The following CGNL1 variants were observed in gnomAD, a reference collection of about 807,000 sequenced individuals.
The protein encoded by CGNL1 is cingulin-like protein 1.
In CGNL1, 132 loss-of-function variants were observed where a neutral mutation model predicts 141.2. The observed-to-expected ratio is 0.93, with a 90% confidence interval of 0.81 to 1.08. The LOEUF (loss-of-function observed/expected upper bound fraction) is 1.08, where lower values mean the gene tolerates loss of function less well. CGNL1 is among the 50% of genes least tolerant of loss of function. CGNL1 has a pLI of 0.00. For missense variants in CGNL1, 1,870 were observed against 1,588.6 expected, an observed-to-expected ratio of 1.18 and a Z score of -3.01; for synonymous variants, 690 against 622.1, an observed-to-expected ratio of 1.11 and a Z score of -1.63.
intron 10 of CGNL1, among the ~76,000 whole-genome samples, chr15:57,522,605 T>C (rs1348866588): frequency 6.6e-6 from 1 of 152,198 alleles, no homozygotes; most frequent in Non-Finnish European, 1.5e-5. Context: ...GTCTTCTTAT[T>C]ATCCTTGTAC....
chr15:57,519,943 T>C (rs1304285719), intron 10 of CGNL1, among the ~76,000 whole-genome samples: 13 of 152,230 alleles, frequency 8.5e-5, no homozygotes, highest in Non-Finnish European at 1.9e-4. Flanking sequence ...TCATAGTGAA[T>C]TCAGTGCACA....
chr15:57,440,190 C>T (rs1230937082), intron 2 of CGNL1, among the ~76,000 whole-genome samples, 187 bp from the exon 3 acceptor site: 1 of 151,050 alleles, frequency 6.6e-6, no homozygotes, highest in Non-Finnish European at 1.5e-5. Flanking sequence ...GCAGGTAGTA[C>T]CTATTAACCT....
chr15:57,493,190 T>C (rs1041396691), intron 8 of CGNL1, among the ~76,000 whole-genome samples: 7 of 152,226 alleles, frequency 4.6e-5, no homozygotes, highest in Non-Finnish European at 8.8e-5. Context: ...TTGAATCATA[T>C]TGATCCTCTT....
At position 57,528,713 on chromosome 15, in the gene CGNL1, A is replaced by G; in HGVS notation, c.3099A>G (p.Thr1033=). Residue 1033 remains threonine (T), a synonymous_variant, in exon 13 of 19, where the codon ACA becomes ACG. Transcript: ENST00000281282. The part of the protein sequence containing the change: ...DYQRAQDEAL[T]KRQLLEQTLK... ...AGAGAGCTCAGGATGAAGCACTCACAAAAAGGCAGCTTCTGGAGCAGACGC... is the reference window on the plus strand; with the variant it reads ...AGAGAGCTCAGGATGAAGCACTCACGAAAAGGCAGCTTCTGGAGCAGACGC... 1 of 1,614,164 alleles carries G rather than the reference A, an allele frequency of 6.2e-7. No individual in the cohort carries two copies. Among genetic ancestry groups the G allele is most frequent in the Non-Finnish European group, 8.5e-7 (1 of 1,180,006 alleles).
chr15:57,449,077 G>T (rs911533913), intron 4 of CGNL1, among the ~76,000 whole-genome samples: 2 of 152,124 alleles, frequency 1.3e-5, no homozygotes, highest in African/African-American at 4.8e-5. Flanking sequence ...TGTCCACCAA[G>T]GTTTCTCTAT....
intron 1 of CGNL1, among the ~76,000 whole-genome samples, chr15:57,396,025 C>A (rs1399069346): frequency 6.6e-6 from 1 of 152,158 alleles, no homozygotes; most frequent in African/African-American, 2.4e-5. Flanking sequence ...CATATTCATA[C>A]AGTATGTACT....
At chr15:57,410,360 T>A (rs1429033697) in intron 1 of CGNL1, among the ~76,000 whole-genome samples, 4 of 152,236 alleles carry the variant, frequency 2.6e-5, no homozygotes, top group African/African-American at 9.6e-5. Flanking sequence ...CCCTAGTTCC[T>A]TAGTTGATAT....
chr15:57,444,844 T>A (rs1226273924), intron 4 of CGNL1, among the ~76,000 whole-genome samples: 1 of 152,192 alleles, frequency 6.6e-6, no homozygotes, highest in Non-Finnish European at 1.5e-5. Flanking sequence ...CATTTCGGGC[T>A]GGGAAGGGGA....
At chr15:57,463,511 G>A (rs942902427) in intron 8 of CGNL1, among the ~76,000 whole-genome samples, 3 of 152,234 alleles carry the variant, frequency 2.0e-5, no homozygotes, top group African/African-American at 4.8e-5. Context: ...GCAGAGAATG[G>A]ACAGTTTCCA....
At chr15:57,511,558 C>A (rs2030306016) in intron 8 of CGNL1, among the ~76,000 whole-genome samples, 1 of 152,188 alleles carries the variant, frequency 6.6e-6, no homozygotes, top group Non-Finnish European at 1.5e-5. Flanking sequence ...CATCCAGGAG[C>A]CTCGTACCAG....
chr15:57,518,854 G>A (rs1443746363), intron 10 of CGNL1, among the ~76,000 whole-genome samples: 2 of 152,224 alleles, frequency 1.3e-5, no homozygotes, highest in African/African-American at 4.8e-5. Flanking sequence ...AGAGCCCTCC[G>A]TTTAGACGTT....
intron 14 of CGNL1, 54 bp downstream of exon 14, chr15:57,531,833 T>C (rs2031969869): frequency 1.7e-6 from 2 of 1,162,012 alleles, no homozygotes; most frequent in South Asian, 2.5e-5. Flanking sequence ...AAAAGGAACA[T>C]GAGGGGTTAA....
At chr15:57,538,575 C>A (rs1159212796) in intron 14 of CGNL1, among the ~76,000 whole-genome samples, 1 of 152,168 alleles carries the variant, frequency 6.6e-6, no homozygotes, top group East Asian at 1.9e-4. Flanking sequence ...ATGCTAAGTG[C>A]TGCTCTGCAC....
chr15:57,520,375 G>A (rs1304108448), intron 10 of CGNL1, among the ~76,000 whole-genome samples: 2 of 152,156 alleles, frequency 1.3e-5, no homozygotes, highest in Non-Finnish European at 2.9e-5. Flanking sequence ...AAAAGTAACT[G>A]GTGTTTTTCT....
At chr15:57,378,080 C>G (rs1476816262) in intron 1 of CGNL1, among the ~76,000 whole-genome samples, 2 of 152,144 alleles carry the variant, frequency 1.3e-5, no homozygotes, top group African/African-American at 2.4e-5. Context: ...CATGGCACAT[C>G]TGAGATGACA....
chr15:57,517,635 G>A (rs1047880830), intron 9 of CGNL1, among the ~76,000 whole-genome samples: 7 of 152,200 alleles, frequency 4.6e-5, no homozygotes, highest in South Asian at 4.1e-4. Flanking sequence ...AGCGAGGGCC[G>A]TCCTTCTGTG....
chr15:57,416,205 T>C (rs1029833795), intron 1 of CGNL1, among the ~76,000 whole-genome samples: 1 of 141,864 alleles, frequency 7.0e-6, no homozygotes, highest in African/African-American at 2.6e-5. Flanking sequence ...GTGTTTTTTT[T>C]TTTTTTTTTT....
At chr15:57,505,272 A>G (rs2064085765) in intron 8 of CGNL1, among the ~76,000 whole-genome samples, 1 of 152,048 alleles carries the variant, frequency 6.6e-6, no homozygotes, top group South Asian at 2.1e-4. Context: ...GACATTTCAC[A>G]CCATTATCTT....
intron 1 of CGNL1, among the ~76,000 whole-genome samples, chr15:57,395,211 T>C (rs4774938): frequency 6.6e-6 from 1 of 152,180 alleles, no homozygotes. Context: ...GCTAGTCAAC[T>C]TGAATAACTT....
Sources: allele counts gnomAD v4.1 joint callset (sites outside exome capture counted in the v4.1 genomes callset), GRCh38; gene constraint gnomAD v4.1.1; transcripts MANE v1.5; gene names NCBI Gene and HGNC (gene_info 2026-07-23, HGNC 2026-07-21).